Variants in ACTR3B observed in about 807,000 individuals in gnomAD.
The protein encoded by ACTR3B is actin-related protein 3B.
A neutral mutation model predicts 59.0 loss-of-function variants in ACTR3B; 8 were observed. The observed-to-expected ratio is 0.14, with a 90% CI of 0.08 to 0.24. The LOEUF (loss-of-function observed/expected upper bound fraction) is 0.24, where lower values mean the gene tolerates loss of function less well. Among genes scored for constraint, ACTR3B ranks in the 10% least tolerant of loss-of-function variants. The pLI is 1.00. For missense variants in ACTR3B, 245 were observed against 552.3 expected (o/e 0.44, Z 5.58); for synonymous variants, 148 against 197.9 (o/e 0.75, Z 2.12).
chr7:152,772,059 C>T (rs2098125305), intron 1 of ACTR3B, among the ~76,000 whole-genome samples: 1 of 151,998 alleles, frequency 6.6e-6, no homozygotes, highest in Non-Finnish European at 1.5e-5. Flanking sequence ...GAGTGAAACT[C>T]CATCTCAAAA....
At chr7:152,767,218 G>A (rs2098113183) in intron 1 of ACTR3B, among the ~76,000 whole-genome samples, 1 of 151,972 alleles carries the variant, frequency 6.6e-6, no homozygotes, top group Admixed American at 6.6e-5. Context: ...GTGTGGCTAT[G>A]GCTGTCCTGT....
intron 2 of ACTR3B, among the ~76,000 whole-genome samples, chr7:152,795,076 C>A (rs1401956141): frequency 6.7e-6 from 1 of 150,136 alleles, no homozygotes; most frequent in South Asian, 2.1e-4. Context: ...ACTTTGTCAC[C>A]CAGGCTGGAG....
chr7:152,835,070 A>G (rs1170407401), intron 9 of ACTR3B, among the ~76,000 whole-genome samples: 2 of 151,920 alleles, frequency 1.3e-5, no homozygotes, highest in African/African-American at 4.8e-5. Flanking sequence ...TTTTTTTAGA[A>G]TCGATCATAT....
intron 1 of ACTR3B, among the ~76,000 whole-genome samples, chr7:152,763,214 G>T (rs1346655398): frequency 6.7e-6 from 1 of 149,984 alleles, no homozygotes; most frequent in African/African-American, 2.5e-5. Flanking sequence ...TGCTTTGGAG[G>T]CTGCTCAGGA....
intron 6 of ACTR3B, 67 bp from the exon 7 acceptor site, chr7:152,820,232 G>A (rs1436589671): frequency 6.3e-7 from 1 of 1,576,092 alleles, no homozygotes. Context: ...AGGAAACCTT[G>A]TGAGTCCAGG....
intron 1 of ACTR3B, among the ~76,000 whole-genome samples, chr7:152,782,120 C>T (rs2689481): frequency 6.6e-6 from 1 of 151,690 alleles, no homozygotes; most frequent in African/African-American, 2.4e-5. Context: ...ACTTAAAAAT[C>T]GTAAAATTAA....
At chr7:152,780,284 G>A (rs2098147840) in intron 1 of ACTR3B, among the ~76,000 whole-genome samples, 1 of 150,926 alleles carries the variant, frequency 6.6e-6, no homozygotes, top group African/African-American at 2.4e-5. Flanking sequence ...CAGAAAGGCG[G>A]AGGTTGCAGT....
At chr7:152,815,502 GT>G (rs35669579) in intron 5 of ACTR3B, among the ~76,000 whole-genome samples, 8 of 152,182 alleles carry the variant, frequency 5.3e-5, no homozygotes, top group Non-Finnish European at 7.3e-5. Flanking sequence ...CCTGGAGAAT[GT>G]TTTTTAGAAG....
intron 7 of ACTR3B, among the ~76,000 whole-genome samples, chr7:152,821,020 T>C (rs1325187265): frequency 6.6e-6 from 1 of 152,092 alleles, no homozygotes; most frequent in South Asian, 2.1e-4. Context: ...GCACCAGAGA[T>C]GATTCCCGAG....
At chr7:152,829,076 C>T (rs1228197163) in intron 9 of ACTR3B, among the ~76,000 whole-genome samples, 1 of 150,652 alleles carries the variant, frequency 6.6e-6, no homozygotes, top group Non-Finnish European at 1.5e-5. Context: ...ACACACACAT[C>T]AAGAGCAGGA....
chr7:152,796,010 ATTT>A (rs760254266), intron 2 of ACTR3B, among the ~76,000 whole-genome samples: 2 of 151,896 alleles, frequency 1.3e-5, no homozygotes, highest in African/African-American at 2.4e-5. Flanking sequence ...TGCCTGGCTA[ATTT>A]TTGTATTTTT....
chr7:152,852,373 G>A (rs1160442225), intron 10 of ACTR3B, 122 bp downstream of exon 10: 13 of 1,228,348 alleles, frequency 1.1e-5, no homozygotes, highest in East Asian at 2.6e-5. Context: ...AGTGTTCATC[G>A]CTTTCTGAGC....
chr7:152,790,305 G>T (rs2098191322), intron 2 of ACTR3B, among the ~76,000 whole-genome samples: 1 of 152,186 alleles, frequency 6.6e-6, no homozygotes, highest in South Asian at 2.1e-4. Flanking sequence ...AATAGGAGGA[G>T]TTACTTTAAT....
chr7:152,853,653 A>G, intron 11 of ACTR3B, 76 bp downstream of exon 11: 6 of 1,274,486 alleles, frequency 4.7e-6, no homozygotes, highest in Non-Finnish European at 5.6e-6. Flanking sequence ...CTGTCTACGA[A>G]GGTGAAATAG....
chr7:152,788,656 C>G (rs2098183046), intron 2 of ACTR3B, among the ~76,000 whole-genome samples: 1 of 152,032 alleles, frequency 6.6e-6, no homozygotes, highest in Non-Finnish European at 1.5e-5. Context: ...TGTGATTCAC[C>G]CACCTCAGCT....
At position 152,789,247 on chromosome 7, in the gene ACTR3B, C is replaced by G. The variant is rs1294992589; in HGVS notation, c.100+6005C>G. The stretch of plus-strand genomic sequence containing the variant: ...TCTACCAGAAATAAAAATAAATTAG[C>G]TACGTGTAGTGACGCTCACCTGTGG... On this transcript the variant is annotated intron_variant, in intron 2 of 11. Coordinates refer to ENST00000256001, the MANE Select transcript of ACTR3B (RefSeq NM_020445.6). Among the ~76,000 whole-genome samples the G allele has an allele frequency of 4.7e-5, 7 of 149,410 alleles. No individual in the cohort carries two copies. The East Asian group carries it at 1.4e-3, about 29-fold the overall frequency.
intron 5 of ACTR3B, among the ~76,000 whole-genome samples, chr7:152,815,425 G>A (rs1184500826): frequency 6.6e-6 from 1 of 152,158 alleles, no homozygotes. Context: ...TATATTCCAT[G>A]GCCTAGGGAA....
At chr7:152,818,348 A>G (rs1590354654) in intron 6 of ACTR3B, among the ~76,000 whole-genome samples, 1 of 152,262 alleles carries the variant, frequency 6.6e-6, no homozygotes, top group Non-Finnish European at 1.5e-5. Context: ...TACATTAGTC[A>G]TTGAAAATTT....
At chr7:152,774,814 C>T (rs1431835458) in intron 1 of ACTR3B, among the ~76,000 whole-genome samples, 1 of 152,060 alleles carries the variant, frequency 6.6e-6, no homozygotes, top group African/African-American at 2.4e-5. Flanking sequence ...AGCCAAGGAG[C>T]ATTAAAAAAT....
Sources: allele counts gnomAD v4.1 joint callset (sites outside exome capture counted in the v4.1 genomes callset), GRCh38; gene constraint gnomAD v4.1.1; transcripts MANE v1.5; gene names NCBI Gene and HGNC (gene_info 2026-07-23, HGNC 2026-07-21).